DNM3: variants seen among roughly 807,000 people sequenced by gnomAD.
DNM3 encodes the protein dynamin-3.
In DNM3, 47 loss-of-function variants were observed where a neutral mutation model predicts 101.6. That is an observed-to-expected ratio of 0.46 (90% confidence interval 0.37 to 0.59). DNM3 has a LOEUF of 0.59. Ranked by LOEUF, DNM3 falls within the 20% of genes least tolerant of loss-of-function variation. The pLI is 0.00. For synonymous variants in DNM3, 385 were observed against 387.9 expected (o/e 0.99, Z 0.09); for missense variants, 849 against 1,085.7 (o/e 0.78, Z 3.06).
rs904234529 is a variant in DNM3, at chr1:172,111,660, G to C, written c.1545+18785G>C. 4.6e-5 allele frequency among the ~76,000 whole-genome samples: 7 copies of C among 152,118 alleles called. No homozygotes were observed. In the East Asian group the frequency reaches 1.3e-3, roughly 29 times the overall value. ...AAGCTGTAATCTTATTGGGAAAATG[G>C]GAGCACAGCAAACACAGTGGCGAGT... On this transcript the variant is annotated intron_variant, in intron 13 of 20. Coordinates refer to ENST00000627582, the MANE Select transcript of DNM3 (RefSeq NM_015569.5).
In DNM3 at chr1:172,096,012, C is replaced by A. The variant is rs183294590; in HGVS notation, c.1545+3137C>A. 3.1e-3 allele frequency among the ~76,000 whole-genome samples: 478 copies of A among 152,256 alleles called. 5 individuals are homozygous for A. Among genetic ancestry groups the A allele is most frequent in the Non-Finnish European group, 5.6e-3 (383 of 68,010 alleles). ...ATGATGATGCATCAATCACAGGCCT[C>A]ACCCTCAGGAAGCCCACAGCTCAGC... On this transcript the variant is annotated intron_variant, in intron 13 of 20. Transcript: ENST00000627582.
chr1:171,940,591 A>AT (rs904453815), intron 2 of DNM3, among the ~76,000 whole-genome samples: 7 of 152,218 alleles, frequency 4.6e-5, no homozygotes, highest in Non-Finnish European at 1.0e-4. Flanking sequence ...TACAAGCACT[A>AT]TAAAAAGTTG....
At chr1:172,216,905 A>G (rs771235976) in intron 14 of DNM3, among the ~76,000 whole-genome samples, 35 of 152,140 alleles carry the variant, frequency 2.3e-4, no homozygotes, top group Non-Finnish European at 4.0e-4. Flanking sequence ...TTGGATATGT[A>G]TCTAGATATT....
At chr1:172,185,816 T>C (rs1486396279) in intron 14 of DNM3, among the ~76,000 whole-genome samples, 4 of 152,016 alleles carry the variant, frequency 2.6e-5, no homozygotes, top group Non-Finnish European at 5.9e-5. Flanking sequence ...TATAGAAGGG[T>C]TTATTGATTA....
At chr1:172,209,711 C>G (rs1409899020) in intron 14 of DNM3, among the ~76,000 whole-genome samples, 1 of 152,006 alleles carries the variant, frequency 6.6e-6, no homozygotes, top group Admixed American at 6.6e-5. Flanking sequence ...GCACATATAA[C>G]CAGTGAGCCA....
At chr1:172,365,846 T>C (rs548742933) in intron 17 of DNM3, among the ~76,000 whole-genome samples, 1 of 152,050 alleles carries the variant, frequency 6.6e-6, no homozygotes, top group South Asian at 2.1e-4. Context: ...GAAGTCATAA[T>C]CTTTAAAGAT....
chr1:171,881,003 T>C (rs942377097), intron 1 of DNM3, among the ~76,000 whole-genome samples: 1 of 152,142 alleles, frequency 6.6e-6, no homozygotes, highest in Non-Finnish European at 1.5e-5. Flanking sequence ...TGGAAATTGT[T>C]TTTTGGTTGG....
intron 13 of DNM3, among the ~76,000 whole-genome samples, chr1:172,100,860 A>T (rs2054593997): frequency 6.6e-6 from 1 of 152,136 alleles, no homozygotes; most frequent in African/African-American, 2.4e-5. Context: ...GATGACTGTC[A>T]TCAGTCTCCA....
At chr1:171,948,584 G>A (rs115483642) in intron 2 of DNM3, among the ~76,000 whole-genome samples, 105 of 152,290 alleles carry the variant, frequency 6.9e-4, no homozygotes, top group African/African-American at 2.5e-3. Flanking sequence ...AAAATGGATG[G>A]CAGCTCCTCA....
At chr1:171,957,076 C>T (rs1337229560) in intron 2 of DNM3, among the ~76,000 whole-genome samples, 2 of 152,190 alleles carry the variant, frequency 1.3e-5, no homozygotes, top group African/African-American at 2.4e-5. Context: ...CTCTGAAATG[C>T]CCTGTAGGCA....
At position 172,040,855 on chromosome 1, in the gene DNM3, G is replaced by C. The variant is rs182024777; in HGVS notation, c.993-1154G>C. 2.0e-5 allele frequency among the ~76,000 whole-genome samples: 3 copies of C among 152,002 alleles called. No individual in the cohort carries two copies. The East Asian group carries it at 5.8e-4, about 29-fold the overall frequency. On this transcript the variant is annotated intron_variant, in intron 7 of 20. Transcript: ENST00000627582. ...TGGTGTTCTGAGCAGAAAGAAAAGT[G>C]TAAAAGCACAGGGACATGGTGCATT...
chr1:172,075,754 T>TCC (rs2052598308), intron 11 of DNM3, among the ~76,000 whole-genome samples: 3 of 152,228 alleles, frequency 2.0e-5, no homozygotes, highest in African/African-American at 4.8e-5. Context: ...GCATGATGCC[T>TCC]CCAGCTTTGT....
At chr1:172,056,958 C>A (rs930257286) in intron 10 of DNM3, among the ~76,000 whole-genome samples, 95 of 151,942 alleles carry the variant, frequency 6.3e-4, no homozygotes, top group Non-Finnish European at 1.0e-3. Context: ...AAAATTTAGA[C>A]GAATGTATAA....
chr1:172,175,030 A>G (rs1233993529), intron 14 of DNM3, among the ~76,000 whole-genome samples: 1 of 151,684 alleles, frequency 6.6e-6, no homozygotes, highest in Non-Finnish European at 1.5e-5. Context: ...TCATTGAAGC[A>G]TACAGCATTC....
At chr1:172,237,650 C>T (rs983299682) in intron 14 of DNM3, among the ~76,000 whole-genome samples, 7 of 152,086 alleles carry the variant, frequency 4.6e-5, no homozygotes, top group African/African-American at 1.7e-4. Context: ...AATTGTTTTA[C>T]TCACAATGTT....
At chr1:172,156,292 C>A (rs1445580285) in intron 14 of DNM3, among the ~76,000 whole-genome samples, 1 of 152,066 alleles carries the variant, frequency 6.6e-6, no homozygotes. Context: ...AGTTAGCCTT[C>A]ATCAGTTTTA....
intron 14 of DNM3, among the ~76,000 whole-genome samples, chr1:172,230,741 C>G (rs937933838): frequency 2.6e-5 from 4 of 152,114 alleles, no homozygotes; most frequent in Non-Finnish European, 5.9e-5. Context: ...GTTTCCAGCA[C>G]TCTACCAAAA....
chr1:171,945,605 G>A (rs1362380817), intron 2 of DNM3, among the ~76,000 whole-genome samples: 2 of 152,168 alleles, frequency 1.3e-5, no homozygotes, highest in African/African-American at 4.8e-5. Flanking sequence ...TAGAAGCAGA[G>A]GATGAACAGG....
downstream of DNM3, among the ~76,000 whole-genome samples, chr1:172,414,002 T>C (rs1049503235): frequency 2.6e-5 from 4 of 152,246 alleles, no homozygotes; most frequent in African/African-American, 9.6e-5. Flanking sequence ...TAAAGGTAAT[T>C]TCCAAAAACA....
Sources: gnomAD v4.1 joint callset for allele counts (sites outside exome capture counted in the v4.1 genomes callset) on GRCh38, gnomAD v4.1.1 for gene constraint, MANE v1.5 for transcripts, NCBI Gene and HGNC (gene_info 2026-07-23, HGNC 2026-07-21) for gene names.